The following RFX3 variants were observed in gnomAD, a reference collection of about 807,000 sequenced individuals.
The protein encoded by RFX3 is transcription factor RFX3.
In RFX3, 14 loss-of-function variants were observed where a neutral mutation model predicts 98.6. The ratio of observed to expected loss-of-function variants is 0.14; its 90% CI spans 0.09 to 0.22. The LOEUF (loss-of-function observed/expected upper bound fraction) is 0.22, where lower values mean the gene tolerates loss of function less well. Ranked by LOEUF, RFX3 falls within the 10% of genes least tolerant of loss-of-function variation. The pLI is 1.00. For missense variants in RFX3, 639 were observed against 926.9 expected, an observed-to-expected ratio of 0.69 and a Z score of 4.03; for synonymous variants, 383 against 328.4, an observed-to-expected ratio of 1.17 and a Z score of -1.80.
intron 2 of RFX3, among the ~76,000 whole-genome samples, chr9:3,376,049 T>A (rs1455524599): frequency 6.6e-6 from 1 of 152,118 alleles, no homozygotes; most frequent in Admixed American, 6.6e-5. Flanking sequence ...TAGGCAAAGA[T>A]ATTAAGATAT....
At chr9:3,496,375 A>G (rs1851111072) in intron 1 of RFX3, among the ~76,000 whole-genome samples, 1 of 151,996 alleles carries the variant, frequency 6.6e-6, no homozygotes, top group African/African-American at 2.4e-5. Flanking sequence ...AGTTTAAAGA[A>G]TTCTTAATCA....
At chr9:3,472,832 T>A (rs1315862342) in intron 1 of RFX3, among the ~76,000 whole-genome samples, 1 of 152,208 alleles carries the variant, frequency 6.6e-6, no homozygotes. Context: ...AGTATCCTGA[T>A]GTTCCTATGC....
intron 12 of RFX3, among the ~76,000 whole-genome samples, chr9:3,264,079 ACT>A (rs1337678371): frequency 6.6e-6 from 1 of 151,524 alleles, no homozygotes; most frequent in African/African-American, 2.4e-5. Flanking sequence ...GTTTTTTTCA[ACT>A]CTGTTCATAC....
chr9:3,298,063 G>C (rs1828202558), intron 5 of RFX3, among the ~76,000 whole-genome samples: 1 of 151,480 alleles, frequency 6.6e-6, no homozygotes, highest in African/African-American at 2.4e-5. Flanking sequence ...TCATACTGTA[G>C]CATCTTCATA....
rs565170821 is a variant in RFX3 at position 3,281,042 on chromosome 9, T to C, written c.852-3581A>G. Among the ~76,000 whole-genome samples the C allele has an allele frequency of 1.6e-3, 239 of 151,928 alleles. 1 individual carries two copies. Among genetic ancestry groups the C allele is most frequent in the Non-Finnish European group, 2.9e-3 (196 of 67,798 alleles). On this transcript the variant is annotated intron_variant, in intron 7 of 16. Coordinates refer to ENST00000617270, the MANE Select transcript of RFX3 (RefSeq NM_001282116.2). ...TTTATCATATCATCAACTGATTTTG[T>C]ATATATATCAAATCAATTTAACAAA...
At chr9:3,302,917 T>C (rs1051313707) in intron 4 of RFX3, among the ~76,000 whole-genome samples, 1 of 151,810 alleles carries the variant, frequency 6.6e-6, no homozygotes, top group African/African-American at 2.4e-5. Flanking sequence ...TTGCTAATTC[T>C]TCCCTGGAGT....
intron 3 of RFX3, among the ~76,000 whole-genome samples, chr9:3,336,389 T>C (rs529421848): frequency 6.6e-6 from 1 of 151,906 alleles, no homozygotes; most frequent in African/African-American, 2.4e-5. Context: ...GAAGTTTTCC[T>C]CATTCCTATG....
intron 1 of RFX3, among the ~76,000 whole-genome samples, chr9:3,474,460 G>A (rs1044746659): frequency 2.0e-5 from 3 of 152,180 alleles, no homozygotes; most frequent in Non-Finnish European, 4.4e-5. Context: ...CCATTTGCAA[G>A]AAGGAAATTC....
At chr9:3,299,068 C>T (rs1219913982) in intron 5 of RFX3, among the ~76,000 whole-genome samples, 1 of 151,644 alleles carries the variant, frequency 6.6e-6, no homozygotes, top group Non-Finnish European at 1.5e-5. Context: ...AAGAATCCCA[C>T]AAACCTCAAA....
chr9:3,455,021 T>C (rs1215677760), intron 1 of RFX3, among the ~76,000 whole-genome samples: 1 of 152,006 alleles, frequency 6.6e-6, no homozygotes, highest in East Asian at 1.9e-4. Context: ...TGCAGCACAA[T>C]GCCCCCTCAT....
intron 1 of RFX3, among the ~76,000 whole-genome samples, chr9:3,406,012 TG>T (rs1190587408): frequency 3.3e-5 from 5 of 152,100 alleles, no homozygotes; most frequent in Non-Finnish European, 7.4e-5. Context: ...TGCAGTGCAG[TG>T]GCACAAACTT....
At chr9:3,451,810 A>G (rs1036147720) in intron 1 of RFX3, among the ~76,000 whole-genome samples, 1 of 152,088 alleles carries the variant, frequency 6.6e-6, no homozygotes, top group African/African-American at 2.4e-5. Flanking sequence ...ATTTATTCTA[A>G]AATAAAAAGA....
chr9:3,489,730 C>T (rs139316290), intron 1 of RFX3, among the ~76,000 whole-genome samples: 34 of 152,274 alleles, frequency 2.2e-4, no homozygotes, highest in Admixed American at 1.4e-3. Context: ...ATACATCACA[C>T]AGGGTCACAT....
intron 4 of RFX3, among the ~76,000 whole-genome samples, chr9:3,317,817 T>C (rs561739208): frequency 1.3e-5 from 2 of 152,256 alleles, no homozygotes; most frequent in South Asian, 2.1e-4. Context: ...ATAACCACAA[T>C]GAGATAACCA....
At position 3,279,284 on chromosome 9, in the gene RFX3, C is replaced by G. The variant is rs150371298; in HGVS notation, c.852-1823G>C. Among the ~76,000 whole-genome samples, 35 of 151,818 alleles carry G rather than the reference C, an allele frequency of 2.3e-4. No homozygotes were observed. In the East Asian group the frequency reaches 6.0e-3, roughly 26 times the overall value. On this transcript the variant is annotated intron_variant, in intron 7 of 16. Coordinates refer to ENST00000617270, the MANE Select transcript of RFX3 (RefSeq NM_001282116.2). ...TCAACTGATTTTAGCTTCCCCTTTT[C>G]AGCTATGGAATTGTGTCTCATTAAT...
intron 1 of RFX3, among the ~76,000 whole-genome samples, chr9:3,480,782 A>T (rs1849686879): frequency 6.6e-6 from 1 of 152,164 alleles, no homozygotes; most frequent in African/African-American, 2.4e-5. Context: ...ATTGTAAAAC[A>T]GGAAAAATTA....
chr9:3,423,610 C>T (rs1032827852), intron 1 of RFX3, among the ~76,000 whole-genome samples: 1 of 151,654 alleles, frequency 6.6e-6, no homozygotes, highest in Non-Finnish European at 1.5e-5. Flanking sequence ...GAAAGTAGAT[C>T]AGCAGATCAG....
intron 1 of RFX3, among the ~76,000 whole-genome samples, chr9:3,423,778 C>T (rs925714779): frequency 1.8e-4 from 20 of 111,038 alleles, no homozygotes; most frequent in East Asian, 8.1e-4. Flanking sequence ...TATATATTTT[C>T]ATATATATAT....
intron 7 of RFX3, among the ~76,000 whole-genome samples, chr9:3,282,791 C>T (rs1054005646): frequency 7.3e-5 from 11 of 151,636 alleles, no homozygotes; most frequent in Admixed American, 5.9e-4. Context: ...AAGAGATAAA[C>T]AATAACAACA....
Sources: gnomAD v4.1 joint callset for allele counts (sites outside exome capture counted in the v4.1 genomes callset) on GRCh38, gnomAD v4.1.1 for gene constraint, MANE v1.5 for transcripts, NCBI Gene and HGNC (gene_info 2026-07-23, HGNC 2026-07-21) for gene names.